Variants in GIGYF1 observed in about 807,000 individuals in gnomAD.
The protein encoded by GIGYF1 is GRB10-interacting GYF protein 1.
A neutral mutation model predicts 147.1 loss-of-function variants in GIGYF1; 84 were observed. The ratio of observed to expected loss-of-function variants is 0.57; its 90% confidence interval spans 0.48 to 0.68. GIGYF1 has a LOEUF of 0.68. Among genes scored for constraint, GIGYF1 ranks in the 30% least tolerant of loss-of-function variants. The pLI, the probability that GIGYF1 is intolerant of heterozygous loss-of-function variation, is 0.00. For synonymous variants in GIGYF1, 752 were observed against 589.5 expected (o/e 1.28, Z -3.99); for missense variants, 1,485 against 1,393.7 (o/e 1.07, Z -1.04).
At chr7:100,683,264 G>C (rs780029270) in intron 21 of GIGYF1, 34 bp from the exon 22 acceptor site, 5 of 1,613,282 alleles carry the variant, frequency 3.1e-6, no homozygotes, top group Non-Finnish European at 4.2e-6. Context: ...GACCTGGCGA[G>C]GGTTGTCCAC....
Position 100,688,263 on chromosome 7 carries a change from G to T in GIGYF1, c.-25C>A, listed in dbSNP as rs767669735. 1.0e-5 allele frequency: 16 copies of T among 1,597,130 alleles called. No homozygotes were observed. Among genetic ancestry groups the T allele is most frequent in the Non-Finnish European group, 1.4e-5 (16 of 1,166,896 alleles). On this transcript the variant is annotated 5_prime_UTR_variant, in exon 4 of 27. Transcript: ENST00000678049. ...TCGTGGGGCTGGGCGTGTTTGAGAG[G>T]CCGGGGGTGGGGAGGAGGGGACCTG...
rs138034483 is a variant in GIGYF1, at chr7:100,686,422, G to C, written c.706C>G (p.Arg236Gly). ...WRSASPDGGP[R>G]SAGWREHGER... is the part of the protein sequence containing the mutation. The stretch of plus-strand genomic sequence containing the variant: ...CCATGTTCCCGCCAGCCAGCAGAGC[G>C]GGGACCACCATCTGCACAGGAAAAG... The change falls in exon 11 of 27, where the codon CGC becomes GGC. Residue 236 changes from arginine to glycine, a missense_variant. Arg to Gly is a moderately radical substitution (Grantham distance 125). Coordinates refer to ENST00000678049, the MANE Select transcript of GIGYF1 (RefSeq NM_001375765.1). The C allele has an allele frequency of 1.3e-6, 2 of 1,598,962 alleles. No homozygotes were observed. The highest frequency in any genetic ancestry group is 1.7e-6 in the Non-Finnish European group (2 of 1,173,044).
At chr7:100,683,672 A>G in intron 19 of GIGYF1, 40 bp from the exon 20 acceptor site, 1 of 1,574,376 alleles carries the variant, frequency 6.4e-7, no homozygotes, top group Non-Finnish European at 8.7e-7. Flanking sequence ...GCAGGTGGGC[A>G]CTTGGGCCCA....
At position 100,681,918 on chromosome 7, in the gene GIGYF1, C is replaced by A. The variant is rs1324667523; in HGVS notation, c.3001G>T (p.Gly1001Cys). ...NHSTKLGPGE[G>C]SKAKRRALML... ...AGTGCCCGCCTCTTGGCCTTGCTGC[C>A]CTCCCCGGGGCCGAGTTTGGTGCTG... is the stretch of plus-strand genomic sequence containing the variant. Residue 1001 changes from glycine (G) to cysteine (C), a missense_variant, in exon 26 of 27, where the codon GGC becomes TGC. Physicochemically the swap from Gly to Cys is radical, Grantham distance 159. Transcript: ENST00000678049. 6.2e-7 allele frequency: 1 copy of A among 1,610,984 alleles called. No homozygotes were observed. The highest frequency in any genetic ancestry group is 8.5e-7 in the Non-Finnish European group (1 of 1,179,944).
chr7:100,691,006 C>T (rs1308914889), intron 1 of GIGYF1, among the ~76,000 whole-genome samples: 1 of 151,932 alleles, frequency 6.6e-6, no homozygotes, highest in Admixed American at 6.6e-5. Flanking sequence ...ATGCCACCCG[C>T]CTTCTTGGGA....
chr7:100,690,087 T>A (rs1413582105), intron 1 of GIGYF1, among the ~76,000 whole-genome samples: 1 of 152,202 alleles, frequency 6.6e-6, no homozygotes, highest in East Asian at 1.9e-4. Context: ...TAACACAGAA[T>A]GGCACAATTA....
Position 100,686,285 on chromosome 7 carries a change from A to AGGC in GIGYF1, c.840_842dup (p.Pro281dup), listed in dbSNP as rs1333644021. ...CATCCTTGTCCTCCTCAAAGCCTTC[A>AGGC]GGCGCTCGGCACCGCCGCAGGTGAG... is the stretch of plus-strand genomic sequence containing the variant. On this transcript the variant is annotated inframe_insertion, in exon 11 of 27. Transcript: ENST00000678049. The AGGC allele has an allele frequency of 8.7e-6, 14 of 1,613,798 alleles. No homozygotes were observed. Among genetic ancestry groups the AGGC allele is most frequent in the Non-Finnish European group, 1.2e-5 (14 of 1,179,950 alleles).
In GIGYF1 at chr7:100,686,758, G is replaced by C. The variant is rs765417669; in HGVS notation, c.585C>G (p.Ser195Arg). 7 of 1,613,992 alleles carry C rather than the reference G, an allele frequency of 4.3e-6. No homozygotes were observed. The African/African-American group carries it at 9.3e-5, about 22-fold the overall frequency. Residue 195 changes from serine to arginine, a missense_variant, in exon 10 of 27, where the codon AGC becomes AGG. Coordinates refer to ENST00000678049, the MANE Select transcript of GIGYF1 (RefSeq NM_001375765.1). The stretch of plus-strand genomic sequence containing the variant: ...CCTCCCGTAGGGAGCGCCAGTTCTC[G>C]CTGTCTGAGCGGGCGTGCTCCTTCC... ...GPRKEHARSD[S>R]ENWRSLREEQ...
Position 100,682,539 on chromosome 7 carries a change from T to G in GIGYF1, c.2600+51A>C, listed in dbSNP as rs753314846. On this transcript the variant is annotated intron_variant, in intron 23 of 26. Coordinates refer to ENST00000678049, the MANE Select transcript of GIGYF1 (RefSeq NM_001375765.1). ...TCAGCTGGCAGGGGTTGGGGGGGTCTGCCACCTTCCCCCTCAGGGCCATCC... is the reference window on the plus strand; with the variant it reads ...TCAGCTGGCAGGGGTTGGGGGGGTCGGCCACCTTCCCCCTCAGGGCCATCC... 3 of 1,596,598 alleles carry G rather than the reference T, an allele frequency of 1.9e-6. No individual in the cohort carries two copies. The South Asian group carries it at 3.3e-5, about 18-fold the overall frequency.
chr7:100,683,316 A>C lies in GIGYF1; in HGVS notation c.2181T>G (p.Phe727Leu), dbSNP rs780031087. The C allele has an allele frequency of 6.8e-6, 11 of 1,613,774 alleles. No homozygotes were observed. The highest frequency in any genetic ancestry group is 2.2e-5 in the East Asian group (1 of 44,892). The change falls in exon 21 of 27, where the codon TTT becomes TTG. Residue 727 changes from phenylalanine (F) to leucine (L), a missense_variant. Coordinates refer to ENST00000678049, the MANE Select transcript of GIGYF1 (RefSeq NM_001375765.1). ...QKRRQEEEELFRRKHVRQQEL... is the reference protein window; with the variant it reads ...QKRRQEEEELLRRKHVRQQEL... ...TGGGAGCACCCACGTGCTTGCGCCG[A>C]AACAGCTCTTCCTCCTCCTGCCGCC... is the stretch of plus-strand genomic sequence containing the variant.
Position 100,686,223 on chromosome 7 carries a change from T to C in GIGYF1, c.905A>G (p.Glu302Gly), listed in dbSNP as rs1393012325. Residue 302 changes from glutamate to glycine, a missense_variant, in exon 11 of 27, where the codon GAA becomes GGA. By Grantham distance (98) the Glu-to-Gly change is moderately conservative. Coordinates refer to ENST00000678049, the MANE Select transcript of GIGYF1 (RefSeq NM_001375765.1). ...PEWCLDDEDE[E>G]MGTFDASGAF... ...CCCAGAGGCATCAAAGGTGCCCATT[T>C]CTTCATCCTCATCGTCCAGGCACCA... is the stretch of plus-strand genomic sequence containing the variant. 6.2e-7 allele frequency: 1 copy of C among 1,613,768 alleles called. No individual in the cohort carries two copies. Among genetic ancestry groups the C allele is most frequent in the Admixed American group, 1.7e-5 (1 of 59,964 alleles).
At position 100,680,376 on chromosome 7, in the gene GIGYF1, G is replaced by C. The variant is rs745337456; in HGVS notation, c.*1343C>G. On this transcript the variant is annotated 3_prime_UTR_variant, in exon 27 of 27. Transcript: ENST00000678049. ...GAGGAGCTGGATGAGAAACCCAAAAGACAAAACTGTTACAAAACCCAAAAT... is the reference window on the plus strand; with the variant it reads ...GAGGAGCTGGATGAGAAACCCAAAACACAAAACTGTTACAAAACCCAAAAT... 1 of 152,504 alleles carries C rather than the reference G, an allele frequency of 6.6e-6. No homozygotes were observed. The highest frequency in any genetic ancestry group is 1.5e-5 in the Non-Finnish European group (1 of 68,026). The allele number at this position is 152,504 out of a possible 1,614,324, so 9.4% of individuals were successfully genotyped here. A position where few individuals can be genotyped will look rare whatever the true frequency, so the allele number is the denominator to read the frequency against.
chr7:100,683,060 C>G lies in GIGYF1; in HGVS notation c.2364G>C (p.Gln788His), dbSNP rs1385752002. 6.3e-7 allele frequency: 1 copy of G among 1,577,002 alleles called. No individual in the cohort carries two copies. Among genetic ancestry groups the G allele is most frequent in the South Asian group, 1.1e-5 (1 of 88,700 alleles). Reference protein sequence around the residue: ...QLEGERQLHKQPPPREPARAQ... With the variant: ...QLEGERQLHKHPPPREPARAQ... ...CCCGAGCTGGCTCCCGAGGTGGGGG[C>G]TGTTTGTGCAGCTGCCGCTCGCCCT... The change falls in exon 22 of 27, where the codon CAG (glutamine) becomes CAC (histidine). Residue 788 changes from glutamine (Q) to histidine (H), a missense_variant. Gln to His is a conservative substitution (Grantham distance 24). Coordinates refer to ENST00000678049, the MANE Select transcript of GIGYF1 (RefSeq NM_001375765.1).
At position 100,684,710 on chromosome 7, in the gene GIGYF1, C is replaced by A; in HGVS notation, c.1462+13G>T. ...GAACGGCCTTGAGCAGCCCTCCCAT[C>A]CCACACAGGTACCTTGGATCTCGCC... On this transcript the variant is annotated intron_variant, in intron 15 of 26. Transcript: ENST00000678049. 6.2e-7 allele frequency: 1 copy of A among 1,610,916 alleles called. No individual in the cohort carries two copies. Among genetic ancestry groups the A allele is most frequent in the South Asian group, 1.1e-5 (1 of 90,836 alleles).
rs781275978 is a variant in GIGYF1 at position 100,683,150 on chromosome 7, G to A, written c.2274C>T (p.Pro758=). 4 of 1,599,626 alleles carry A rather than the reference G, an allele frequency of 2.5e-6. No individual in the cohort carries two copies. Among genetic ancestry groups the A allele is most frequent in the Admixed American group, 3.4e-5 (2 of 58,910 alleles). The stretch of plus-strand genomic sequence containing the variant: ...GCTTGGCCAGGCCAGCCCAGAGTGG[G>A]GGCGGGGAGCTGGGTGCGGGGGGCA... The part of the protein sequence containing the change: ...VPVPPAPSSP[P]PLWAGLAKQG... The change falls in exon 22 of 27, where the codon CCC becomes CCT. Residue 758 remains proline (P), a synonymous_variant. Transcript: ENST00000678049.
chr7:100,686,143 G>C, intron 11 of GIGYF1, 37 bp downstream of exon 11: 1 of 1,601,520 alleles, frequency 6.2e-7, no homozygotes, highest in Non-Finnish European at 8.5e-7. Context: ...GAGGACCCCG[G>C]AAGGGCAGGT....
At chr7:100,686,565 TC>T in intron 10 of GIGYF1, 83 bp downstream of exon 10, 4 of 1,527,734 alleles carry the variant, frequency 2.6e-6, no homozygotes, top group Non-Finnish European at 3.5e-6. Flanking sequence ...CTCTGCTCCC[TC>T]CCCGTGGCTA....
At chr7:100,690,037 G>A (rs1363434999) in intron 1 of GIGYF1, among the ~76,000 whole-genome samples, 4 of 152,212 alleles carry the variant, frequency 2.6e-5, no homozygotes, top group South Asian at 4.1e-4. Flanking sequence ...TCCTGGGGCC[G>A]CTGGTGGTCA....
In GIGYF1 at chr7:100,683,558, G is replaced by T. The variant is rs756735604; in HGVS notation, c.2044C>A (p.Gln682Lys). Residue 682 changes from glutamine to lysine, a missense_variant, in exon 20 of 27, where the codon CAA becomes AAA. Coordinates refer to ENST00000678049, the MANE Select transcript of GIGYF1 (RefSeq NM_001375765.1). ...CCAGGATGCCCACTCACTTTATGTT[G>T]CAGCTGGAGTTGTTCTAGAATTGGA... ...QGPILEQLQL[Q>K]HKFQERREVE... 1 of 1,614,154 alleles carries T rather than the reference G, an allele frequency of 6.2e-7. No individual in the cohort carries two copies. The highest frequency in any genetic ancestry group is 2.2e-5 in the East Asian group (1 of 44,882).
Sources: allele counts gnomAD v4.1 joint callset (sites outside exome capture counted in the v4.1 genomes callset), GRCh38; gene constraint gnomAD v4.1.1; transcripts MANE v1.5; gene names NCBI Gene and HGNC (gene_info 2026-07-23, HGNC 2026-07-21).